Variants in CLASP1 observed in about 807,000 individuals in gnomAD.
CLASP1 encodes cytoplasmic linker associated protein 1.
Under a neutral mutation model 192.3 loss-of-function variants are expected in CLASP1, and 38 were observed. That is an observed-to-expected ratio of 0.20 (90% CI 0.15 to 0.26). The LOEUF (loss-of-function observed/expected upper bound fraction) is 0.26, where lower values mean the gene tolerates loss of function less well. Among genes scored for constraint, CLASP1 ranks in the 10% least tolerant of loss-of-function variants. The pLI is 1.00. For synonymous variants in CLASP1, 691 were observed against 712.8 expected (o/e 0.97, Z 0.49); for missense variants, 1,433 against 1,932.5 (o/e 0.74, Z 4.85).
At chr2:121,534,502 C>G (rs1169805314) in intron 2 of CLASP1, among the ~76,000 whole-genome samples, 1 of 152,270 alleles carries the variant, frequency 6.6e-6, no homozygotes, top group East Asian at 1.9e-4. Flanking sequence ...TAATCTAGTC[C>G]TCGGATTATT....
Position 121,401,692 on chromosome 2 carries a change from A to G in CLASP1, c.2737-20T>C, listed in dbSNP as rs762728548. On this transcript the variant is annotated intron_variant, in intron 27 of 39. Transcript: ENST00000263710. ...GAAAACCTAGACACAAATGAAAACC[A>G]AGTAGTTCACATATTGAATTCACGA... 1.9e-6 allele frequency: 3 copies of G among 1,597,764 alleles called. No homozygotes were observed. Among genetic ancestry groups the G allele is most frequent in the Non-Finnish European group, 2.6e-6 (3 of 1,170,148 alleles).
intron 8 of CLASP1, among the ~76,000 whole-genome samples, chr2:121,487,817 T>C (rs2093069585): frequency 6.6e-6 from 1 of 152,238 alleles, no homozygotes; most frequent in Non-Finnish European, 1.5e-5. Context: ...AAGAGGTTCG[T>C]CTCTTCATCT....
rs576282301 is a variant in CLASP1 at position 121,495,321 on chromosome 2, T to C, written c.712+7846A>G. On this transcript the variant is annotated intron_variant, in intron 8 of 39. Transcript: ENST00000263710. ...CTGGGCGACAGAGCTGGACTCCGTC[T>C]CTAAAACATAAATAAATAAAAATAT... Among the ~76,000 whole-genome samples, 5 of 93,794 alleles carry C rather than the reference T, an allele frequency of 5.3e-5. No homozygotes were observed. In the South Asian group the frequency reaches 1.7e-3, roughly 31 times the overall value. The allele number at this position is 93,794 out of a possible 152,430, so 61.5% of individuals were successfully genotyped here. A position where few individuals can be genotyped will look rare whatever the true frequency, so the allele number is the denominator to read the frequency against.
At chr2:121,553,189 T>TGAGGGTG (rs2058200709) in intron 2 of CLASP1, among the ~76,000 whole-genome samples, 1 of 151,888 alleles carries the variant, frequency 6.6e-6, no homozygotes, top group Admixed American at 6.6e-5. Flanking sequence ...GAGGCCTACT[T>TGAGGGTG]GAGGGTGGAG....
chr2:121,461,877 A>T (rs981449716), intron 10 of CLASP1, among the ~76,000 whole-genome samples: 1 of 152,180 alleles, frequency 6.6e-6, no homozygotes, highest in Non-Finnish European at 1.5e-5. Flanking sequence ...AGGTTTCGCC[A>T]TGTCGCCTAG....
chr2:121,563,692 T>C (rs1277917277), intron 2 of CLASP1, among the ~76,000 whole-genome samples: 1 of 152,202 alleles, frequency 6.6e-6, no homozygotes, highest in Admixed American at 6.5e-5. Context: ...TAGCTTCTTT[T>C]ATATTACCTC....
intron 19 of CLASP1, among the ~76,000 whole-genome samples, chr2:121,438,804 GTC>G (rs1185223208): frequency 1.3e-5 from 2 of 151,026 alleles, no homozygotes; most frequent in Non-Finnish European, 3.0e-5. Context: ...TTTTGGTTGT[GTC>G]TCTGCCTGGC....
exon 36 of CLASP1, chr2:121,365,162 G>C (rs2067143625): frequency 6.2e-7 from 1 of 1,613,902 alleles, no homozygotes; most frequent in Non-Finnish European, 8.5e-7. Context: ...CAGACACCAA[G>C]GCTGTCTTCC....
At chr2:121,348,989 C>T (rs1468208263) in intron 37 of CLASP1, among the ~76,000 whole-genome samples, 1 of 151,974 alleles carries the variant, frequency 6.6e-6, no homozygotes, top group African/African-American at 2.4e-5. Flanking sequence ...ACCTGTAATC[C>T]CAGAACTTTG....
At chr2:121,546,733 G>C (rs1378154490) in intron 2 of CLASP1, among the ~76,000 whole-genome samples, 1 of 152,112 alleles carries the variant, frequency 6.6e-6, no homozygotes, top group African/African-American at 2.4e-5. Flanking sequence ...AGATACCCAG[G>C]CTTTCTGGGC....
chr2:121,404,267 G>A (rs1218668291), intron 26 of CLASP1, 104 bp downstream of exon 27: 9 of 1,515,712 alleles, frequency 5.9e-6, no homozygotes, highest in Admixed American at 4.3e-5. Flanking sequence ...CTGTAAGGTC[G>A]GAACTGCACT....
At chr2:121,343,036 C>CTGT (rs1423792223) in intron 39 of CLASP1, among the ~76,000 whole-genome samples, 1 of 152,200 alleles carries the variant, frequency 6.6e-6, no homozygotes, top group Non-Finnish European at 1.5e-5. Context: ...AGGCGTGAGC[C>CTGT]ACCCACTCCT....
chr2:121,361,377 G>A (rs1388816642), intron 37 of CLASP1, among the ~76,000 whole-genome samples: 5 of 152,160 alleles, frequency 3.3e-5, no homozygotes, highest in African/African-American at 9.7e-5. Context: ...TTTTGATCAC[G>A]TATTCTCATT....
chr2:121,563,404 C>T (rs1446403650), intron 2 of CLASP1, among the ~76,000 whole-genome samples: 1 of 152,196 alleles, frequency 6.6e-6, no homozygotes, highest in African/African-American at 2.4e-5. Flanking sequence ...CAGCAGAAAC[C>T]TCATGTCTGG....
At chr2:121,473,328 T>C (rs1400911064) in intron 8 of CLASP1, among the ~76,000 whole-genome samples, 1 of 152,090 alleles carries the variant, frequency 6.6e-6, no homozygotes, top group African/African-American at 2.4e-5. Flanking sequence ...ATTTCACTGA[T>C]TGAGATTAAG....
chr2:121,491,555 T>C (rs1193025571), intron 8 of CLASP1, among the ~76,000 whole-genome samples: 1 of 152,222 alleles, frequency 6.6e-6, no homozygotes, highest in Non-Finnish European at 1.5e-5. Flanking sequence ...ATCTGCATGA[T>C]TTAAAAACTT....
chr2:121,410,959 C>A (rs746431125), exon 24 of CLASP1: 1 of 1,600,168 alleles, frequency 6.2e-7, no homozygotes, highest in Non-Finnish European at 8.5e-7. Flanking sequence ...GCTGGCCAAG[C>A]CCAAACCGAT....
intron 32 of CLASP1, among the ~76,000 whole-genome samples, chr2:121,384,436 C>T (rs772503530): frequency 3.3e-5 from 5 of 152,080 alleles, no homozygotes; most frequent in Non-Finnish European, 7.4e-5. Context: ...AATCCTCCCA[C>T]GTTGGCCTCC....
At chr2:121,542,664 C>A (rs6541782) in intron 2 of CLASP1, among the ~76,000 whole-genome samples, 30,836 of 152,160 alleles carry the variant, frequency 0.2, 5,842 homozygotes, top group African/African-American at 0.5. Flanking sequence ...AATTCCTCTT[C>A]TGGAATGCCC....
Sources: allele counts gnomAD v4.1 joint callset (sites outside exome capture counted in the v4.1 genomes callset), GRCh38; gene constraint gnomAD v4.1.1; transcripts MANE v1.5; gene names NCBI Gene and HGNC (gene_info 2026-07-23, HGNC 2026-07-21).